TAS2R1: variants seen among roughly 807,000 people sequenced by gnomAD.
TAS2R1 encodes taste 2 receptor member 1.
For missense variants in TAS2R1, 370 were observed against 353.4 expected (o/e 1.05, Z -0.38); for synonymous variants, 141 against 134.2 (o/e 1.05, Z -0.35).
intron 1 of TAS2R1, among the ~76,000 whole-genome samples, chr5:9,684,955 C>T (rs1741097366): frequency 6.6e-6 from 1 of 152,186 alleles, no homozygotes; most frequent in African/African-American, 2.4e-5. Context: ...AGGCATCTTC[C>T]TCCCCTGACA....
At chr5:9,694,026 C>G (rs900509811) in intron 1 of TAS2R1, among the ~76,000 whole-genome samples, 1 of 152,046 alleles carries the variant, frequency 6.6e-6, no homozygotes, top group African/African-American at 2.4e-5. Flanking sequence ...TAGTTTTTCC[C>G]CTGAGAGATA....
the TAS2R1 span, among the ~76,000 whole-genome samples, chr5:9,895,759 A>G: frequency 5.9e-5 from 9 of 152,224 alleles, no homozygotes; most frequent in Admixed American, 4.6e-4. Flanking sequence ...TTTATCACAG[A>G]CAGTGCAATA....
At chr5:9,637,655 T>G (rs1311045329) in intron 2 of TAS2R1, among the ~76,000 whole-genome samples, 2 of 152,158 alleles carry the variant, frequency 1.3e-5, no homozygotes, top group Non-Finnish European at 2.9e-5. Flanking sequence ...TTTTTCTGAT[T>G]GAATTAATTC....
In TAS2R1 at chr5:9,628,154, A is replaced by G. The variant is rs1739791534; in HGVS notation, c.*979T>C. 6.6e-6 allele frequency among the ~76,000 whole-genome samples: 1 copy of G among 151,586 alleles called. No individual in the cohort carries two copies. Among genetic ancestry groups the G allele is most frequent in the African/African-American group, 2.4e-5 (1 of 41,198 alleles). On this transcript the variant is annotated 3_prime_UTR_variant, in exon 1 of 1. Coordinates refer to ENST00000382492, the MANE Select transcript of TAS2R1 (RefSeq NM_019599.3). Reference sequence around the variant, plus strand: ...TATCTATCTATCTATCTATCTATCTATCTATCTATCTATCTATCTATCTCT... The same window carrying G: ...TATCTATCTATCTATCTATCTATCTGTCTATCTATCTATCTATCTATCTCT...
the TAS2R1 span, among the ~76,000 whole-genome samples, chr5:9,856,081 T>C: frequency 1.3e-5 from 2 of 152,218 alleles, no homozygotes; most frequent in African/African-American, 4.8e-5. Flanking sequence ...TTTCTAACAA[T>C]GGTTTATTAG....
chr5:9,777,784 T>C, the TAS2R1 span, among the ~76,000 whole-genome samples: 3 of 152,164 alleles, frequency 2.0e-5, no homozygotes, highest in Admixed American at 6.5e-5. Flanking sequence ...CTTTGATCCA[T>C]GGGCTGCAGA....
At chr5:9,892,723 C>T in the TAS2R1 span, among the ~76,000 whole-genome samples, 3 of 152,120 alleles carry the variant, frequency 2.0e-5, no homozygotes, top group African/African-American at 7.2e-5. Context: ...CCTCTTATGC[C>T]CATTCTTTCC....
At chr5:9,866,513 C>G in the TAS2R1 span, among the ~76,000 whole-genome samples, 6 of 152,166 alleles carry the variant, frequency 3.9e-5, 1 homozygote, top group African/African-American at 1.4e-4. Flanking sequence ...CAGAGAGAAA[C>G]TAATTTTTCC....
the TAS2R1 span, among the ~76,000 whole-genome samples, chr5:9,891,809 T>C: frequency 1.2e-4 from 18 of 152,134 alleles, no homozygotes; most frequent in Non-Finnish European, 2.4e-4. Flanking sequence ...AGAACTTCTG[T>C]ACCCCAAGCC....
the TAS2R1 span, among the ~76,000 whole-genome samples, chr5:9,735,365 G>A: frequency 4.0e-5 from 6 of 151,388 alleles, no homozygotes; most frequent in East Asian, 1.2e-3. Flanking sequence ...AAATTTATGA[G>A]TTTTTTATTG....
chr5:9,790,215 G>T, the TAS2R1 span, among the ~76,000 whole-genome samples: 1 of 152,184 alleles, frequency 6.6e-6, no homozygotes, highest in East Asian at 1.9e-4. Flanking sequence ...AGGAAATAGA[G>T]AATGTGGTTA....
At chr5:9,700,299 T>A (rs573714367) in intron 1 of TAS2R1, among the ~76,000 whole-genome samples, 1 of 152,320 alleles carries the variant, frequency 6.6e-6, no homozygotes, top group East Asian at 1.9e-4. Flanking sequence ...GTTTCCAGAC[T>A]AGAATCTATG....
chr5:9,727,301 T>A, the TAS2R1 span, among the ~76,000 whole-genome samples: 19 of 152,332 alleles, frequency 1.2e-4, no homozygotes, highest in Non-Finnish European at 1.8e-4. Context: ...CATTTAAAAG[T>A]GATCATTGAA....
At chr5:9,832,759 A>G in the TAS2R1 span, among the ~76,000 whole-genome samples, 5 of 152,244 alleles carry the variant, frequency 3.3e-5, no homozygotes, top group African/African-American at 4.8e-5. Flanking sequence ...ATACAATTGA[A>G]GCACTTTGCA....
intron 1 of TAS2R1, among the ~76,000 whole-genome samples, chr5:9,679,492 G>A (rs991333784): frequency 1.1e-4 from 17 of 152,194 alleles, no homozygotes; most frequent in African/African-American, 3.6e-4. Flanking sequence ...CTTTGGAAAT[G>A]AGTAAAGTCT....
At chr5:9,656,371 G>C (rs955892633) in intron 2 of TAS2R1, among the ~76,000 whole-genome samples, 1 of 152,148 alleles carries the variant, frequency 6.6e-6, no homozygotes, top group Non-Finnish European at 1.5e-5. Context: ...CATATGTAGA[G>C]AGAAATAATT....
the TAS2R1 span, among the ~76,000 whole-genome samples, chr5:9,797,769 C>A: frequency 2.0e-5 from 3 of 152,018 alleles, no homozygotes; most frequent in Non-Finnish European, 4.4e-5. Flanking sequence ...ATTTTGAACT[C>A]TTTTTGAAAT....
At chr5:9,823,568 G>T in the TAS2R1 span, among the ~76,000 whole-genome samples, 14,723 of 140,928 alleles carry the variant, frequency 0.1, 744 homozygotes, top group Middle Eastern at 0.16. Context: ...GGCAGAAAGG[G>T]GGGAAAGAGG....
At chr5:9,722,688 G>T in the TAS2R1 span, among the ~76,000 whole-genome samples, 4 of 152,154 alleles carry the variant, frequency 2.6e-5, no homozygotes, top group African/African-American at 4.8e-5. Flanking sequence ...GCTATTTTCT[G>T]CATTACTGAT....
Sources: gnomAD v4.1 joint callset for allele counts (sites outside exome capture counted in the v4.1 genomes callset) on GRCh38, gnomAD v4.1.1 for gene constraint, MANE v1.5 for transcripts, NCBI Gene and HGNC (gene_info 2026-07-23, HGNC 2026-07-21) for gene names.